ARHGEF37: variants seen among roughly 807,000 people sequenced by gnomAD.
ARHGEF37 encodes Rho guanine nucleotide exchange factor (GEF) 37.
Under a neutral mutation model 71.1 loss-of-function variants are expected in ARHGEF37, and 55 were observed. The ratio of observed to expected loss-of-function variants is 0.77; its 90% CI spans 0.62 to 0.97. ARHGEF37 has a LOEUF of 0.97. Ranked by LOEUF, ARHGEF37 falls within the 50% of genes least tolerant of loss-of-function variation. The pLI is 0.00. For missense variants in ARHGEF37, 765 were observed against 836.8 expected (o/e 0.91, Z 1.06); for synonymous variants, 327 against 350.6 (o/e 0.93, Z 0.75).
At chr5:149,575,765 T>G (rs1462850086) in intron 1 of ARHGEF37, among the ~76,000 whole-genome samples, 2 of 138,720 alleles carry the variant, frequency 1.4e-5, no homozygotes, top group Non-Finnish European at 3.0e-5. Context: ...CACTGCAACC[T>G]CTGCCTCCCG....
rs3994917 is a variant in ARHGEF37 at position 149,587,894 on chromosome 5, C to CTT, written c.-12+6288_-12+6289dup. Among the ~76,000 whole-genome samples the CTT allele has an allele frequency of 1.8e-3, 234 of 129,140 alleles. 4 individuals are homozygous for CTT. Among genetic ancestry groups the CTT allele is most frequent in the African/African-American group, 6.5e-3 (220 of 33,590 alleles). 84.7% of individuals were successfully genotyped at this position (129,140 alleles called of 152,430 possible). A position where few individuals can be genotyped will look rare whatever the true frequency, so the allele number is the denominator to read the frequency against. ...TCTGTAGGTCTTCCCTCCCTTTAGT[C>CTT]TTTTTTTTTTTTTTTTTTTGGAGAC... On this transcript the variant is annotated intron_variant, in intron 1 of 12. Transcript: ENST00000333677.
At chr5:149,557,116 G>A (rs1762766049) in intron 1 of ARHGEF37, among the ~76,000 whole-genome samples, 1 of 152,210 alleles carries the variant, frequency 6.6e-6, no homozygotes, top group African/African-American at 2.4e-5. Flanking sequence ...AGGAAGTTGG[G>A]ATGCTGAAGG....
chr5:149,551,625 A>G (rs1264025662), upstream of ARHGEF37: 2 of 152,120 alleles, frequency 1.3e-5, no homozygotes, highest in African/African-American at 2.4e-5. Flanking sequence ...GCTCTCTTCC[A>G]CTTCCGGTCG....
chr5:149,560,346 T>C (rs1762813719), intron 1 of ARHGEF37, among the ~76,000 whole-genome samples: 1 of 152,164 alleles, frequency 6.6e-6, no homozygotes, highest in Non-Finnish European at 1.5e-5. Flanking sequence ...ACTCCCGACC[T>C]CAGGTGATCC....
At chr5:149,613,482 G>A (rs1031534407) in intron 4 of ARHGEF37, among the ~76,000 whole-genome samples, 1 of 151,966 alleles carries the variant, frequency 6.6e-6, no homozygotes, top group Non-Finnish European at 1.5e-5. Flanking sequence ...GAGTAGCTGG[G>A]ACTACAGGAG....
In ARHGEF37 at chr5:149,553,576, C is replaced by T. The variant is rs117068986; in HGVS notation, c.-12+1453C>T. ...TAAGGGGATGAGGTATACATTTAGA[C>T]GGATATTTTGGTATTGTGATAAAAA... On this transcript the variant is annotated intron_variant, in intron 1 of 2. Transcript: ENST00000505810. 2.3e-3 allele frequency among the ~76,000 whole-genome samples: 353 copies of T among 152,124 alleles called. 9 individuals carry two copies. The East Asian group carries it at 0.06, about 26-fold the overall frequency.
intron 8 of ARHGEF37, among the ~76,000 whole-genome samples, chr5:149,620,989 A>G (rs1752524110): frequency 6.6e-6 from 1 of 152,188 alleles, no homozygotes; most frequent in African/African-American, 2.4e-5. Context: ...TAAGCCCTTT[A>G]TATTCCTTAC....
At chr5:149,588,188 T>G (rs994379194) in intron 1 of ARHGEF37, among the ~76,000 whole-genome samples, 1 of 147,456 alleles carries the variant, frequency 6.8e-6, no homozygotes, top group South Asian at 2.3e-4. Flanking sequence ...TGAGCCACGG[T>G]GCCCGGCCTT....
chr5:149,618,876 C>G (rs1275221475), intron 6 of ARHGEF37, 62 bp from the exon 7 acceptor site: 1 of 1,387,660 alleles, frequency 7.2e-7, no homozygotes, highest in African/African-American at 1.4e-5. Flanking sequence ...ACCTGGAACA[C>G]TGAAGCCGGT....
At chr5:149,614,635 C>A (rs898407003) in intron 4 of ARHGEF37, among the ~76,000 whole-genome samples, 11 of 152,136 alleles carry the variant, frequency 7.2e-5, no homozygotes, top group Admixed American at 1.3e-4. Flanking sequence ...TGGAGTCTTG[C>A]AAATACCTGG....
At chr5:149,576,762 C>T (rs1257303643), upstream of ARHGEF37, among the ~76,000 whole-genome samples, 2 of 152,106 alleles carry the variant, frequency 1.3e-5, no homozygotes, top group Non-Finnish European at 2.9e-5. Flanking sequence ...TTAAGACCAG[C>T]CTGGCCAACA....
chr5:149,564,756 G>A (rs949859380), intron 1 of ARHGEF37, among the ~76,000 whole-genome samples: 1 of 152,108 alleles, frequency 6.6e-6, no homozygotes, highest in Non-Finnish European at 1.5e-5. Context: ...CCCAGGAGGC[G>A]GAGGTTGCCG....
At chr5:149,627,302 C>T in intron 11 of ARHGEF37, 31 bp downstream of exon 11, 2 of 1,600,342 alleles carry the variant, frequency 1.2e-6, no homozygotes, top group South Asian at 1.1e-5. Context: ...CCTTCTTCTC[C>T]TTCGGGGAAA....
rs199910848 is a variant in ARHGEF37, at chr5:149,601,064, A to G, written c.187-44A>G. 220 of 1,591,572 alleles carry G rather than the reference A, an allele frequency of 1.4e-4. 1 individual carries two copies. Among genetic ancestry groups the G allele is most frequent in the Admixed American group, 5.2e-4 (31 of 59,438 alleles). On this transcript the variant is annotated intron_variant, in intron 2 of 12. Transcript: ENST00000333677. Reference sequence around the variant, plus strand: ...TCTCAAAAGCCTGCAAATACATTCTATGGAACTCCCAACCACCTCTCATGG... The same window carrying G: ...TCTCAAAAGCCTGCAAATACATTCTGTGGAACTCCCAACCACCTCTCATGG...
chr5:149,588,488 G>A (rs1763303392), intron 1 of ARHGEF37, among the ~76,000 whole-genome samples: 1 of 149,052 alleles, frequency 6.7e-6, no homozygotes, highest in African/African-American at 2.6e-5. Context: ...TAGCAGAGAT[G>A]GGGTTTTGCC....
chr5:149,615,349 G>C (rs1430659624), intron 4 of ARHGEF37, among the ~76,000 whole-genome samples: 1 of 151,014 alleles, frequency 6.6e-6, no homozygotes, highest in African/African-American at 2.4e-5. Flanking sequence ...TGTTGCCCAG[G>C]CTGGTCTTGA....
chr5:149,628,832 G>A lies in ARHGEF37; in HGVS notation c.1684G>A (p.Gly562Arg), dbSNP rs752955154. Residue 562 changes from glycine (G) to arginine (R), a missense_variant, in exon 12 of 13, where the codon GGG becomes AGG. This residue lies in a region of ARHGEF37 where 390 missense variants were observed against 407.4 expected (regional missense o/e 0.96). Coordinates refer to ENST00000333677, the MANE Select transcript of ARHGEF37 (RefSeq NM_001001669.3). ...AGGACATCGTGGGTATGTGCCGGCTGGGAAACTACAGCTGTACCATGTGGT... is the reference window on the plus strand; with the variant it reads ...AGGACATCGTGGGTATGTGCCGGCTAGGAAACTACAGCTGTACCATGTGGT... Reference protein sequence around the residue: ...TGGHRGYVPAGKLQLYHVVPS... With the variant: ...TGGHRGYVPARKLQLYHVVPS... 6.2e-7 allele frequency: 1 copy of A among 1,613,522 alleles called. No homozygotes were observed. Among genetic ancestry groups the A allele is most frequent in the South Asian group, 1.1e-5 (1 of 90,922 alleles).
chr5:149,597,402 G>C (rs140623310), intron 1 of ARHGEF37, among the ~76,000 whole-genome samples: 3,940 of 152,124 alleles, frequency 0.026, 163 homozygotes, highest in African/African-American at 0.091. Flanking sequence ...GGGACTACAG[G>C]AGCCCGCCAC....
intron 3 of ARHGEF37, among the ~76,000 whole-genome samples, chr5:149,608,022 C>A (rs2113338655): frequency 6.6e-6 from 1 of 152,180 alleles, no homozygotes; most frequent in South Asian, 2.1e-4. Context: ...CCCATCTGGG[C>A]CTCCCACAGT....
Sources: allele counts gnomAD v4.1 joint callset (sites outside exome capture counted in the v4.1 genomes callset), GRCh38; gene constraint gnomAD v4.1.1; regional missense constraint gnomAD v4.1.1; transcripts MANE v1.5; gene names NCBI Gene and HGNC (gene_info 2026-07-23, HGNC 2026-07-21).